MYO10: variants seen among roughly 807,000 people sequenced by gnomAD.
MYO10 encodes unconventional myosin-X.
A neutral mutation model predicts 257.3 loss-of-function variants in MYO10; 133 were observed. The observed-to-expected ratio is 0.52, with a 90% CI of 0.45 to 0.60. The LOEUF (loss-of-function observed/expected upper bound fraction) is 0.60. Among genes scored for constraint, MYO10 ranks in the 20% least tolerant of loss-of-function variants. The pLI is 0.00. For synonymous variants in MYO10, 1,104 were observed against 1,028.6 expected (o/e 1.07, Z -1.40); for missense variants, 2,399 against 2,635.7 (o/e 0.91, Z 1.97).
intron 1 of MYO10, among the ~76,000 whole-genome samples, chr5:16,901,857 C>T (rs1318557050): frequency 1.3e-5 from 2 of 152,184 alleles, no homozygotes; most frequent in African/African-American, 2.4e-5. Context: ...TTCCCTGGCA[C>T]GTTCTAGAGC....
At chr5:16,813,506 A>G (rs1371125921) in intron 3 of MYO10, among the ~76,000 whole-genome samples, 1 of 151,562 alleles carries the variant, frequency 6.6e-6, no homozygotes, top group African/African-American at 2.4e-5. Flanking sequence ...AACAGCGATC[A>G]TGTCACTGCA....
At chr5:16,873,608 C>A (rs1744508216) in intron 2 of MYO10, among the ~76,000 whole-genome samples, 1 of 152,250 alleles carries the variant, frequency 6.6e-6, no homozygotes, top group Non-Finnish European at 1.5e-5. Flanking sequence ...ATGAGGGCCC[C>A]ACCCCTGCAG....
Position 16,665,938 on chromosome 5 carries a change from G to A in MYO10, c.*754C>T, listed in dbSNP as rs1736144782. ...CAAAGACAGGAAAATCCAGGATTTG[G>A]GTTTGTTAATAAAACCACCTTATAA... On this transcript the variant is annotated 3_prime_UTR_variant, in exon 41 of 41. Coordinates refer to ENST00000513610, the MANE Select transcript of MYO10 (RefSeq NM_012334.3). The A allele has an allele frequency of 6.6e-6, 1 of 152,480 alleles. No homozygotes were observed. The highest frequency in any genetic ancestry group is 2.1e-4 in the South Asian group (1 of 4,818). The allele number at this position is 152,480 out of a possible 1,614,324, so 9.4% of individuals were successfully genotyped here.
intron 1 of MYO10, among the ~76,000 whole-genome samples, chr5:16,913,494 CCTT>C (rs1745730411): frequency 6.6e-6 from 1 of 152,208 alleles, no homozygotes; most frequent in South Asian, 2.1e-4. Flanking sequence ...CGCAGAATTT[CCTT>C]CTTCTCAAGT....
intron 19 of MYO10, among the ~76,000 whole-genome samples, chr5:16,729,530 CAAGTTCT>C (rs1441531107): frequency 2.6e-5 from 4 of 151,122 alleles, no homozygotes; most frequent in Non-Finnish European, 4.4e-5. Context: ...TGGCTCACTG[CAAGTTCT>C]GCCTCCCGGG....
chr5:16,823,385 T>TAGTG (rs1416379151), intron 2 of MYO10, among the ~76,000 whole-genome samples: 1 of 124,276 alleles, frequency 8.0e-6, no homozygotes, highest in African/African-American at 3.0e-5. Flanking sequence ...GCAGATGTTG[T>TAGTG]AGTGAGCCGA....
chr5:16,758,181 G>A lies in MYO10; in HGVS notation c.1785C>T (p.Asn595=), dbSNP rs983361645. 2 of 1,613,652 alleles carry A rather than the reference G, an allele frequency of 1.2e-6. No homozygotes were observed. Among genetic ancestry groups the A allele is most frequent in the African/African-American group, 1.3e-5 (1 of 74,918 alleles). The change falls in exon 18 of 41, where the codon AAC becomes AAT. Residue 595 remains asparagine (N), a synonymous_variant. Coordinates refer to ENST00000513610, the MANE Select transcript of MYO10 (RefSeq NM_012334.3). ...YDLFEHVSSR[N]NQDTLKCGSK... Reference sequence around the variant, plus strand: ...TTCCACATTTCAAGGTATCCTGGTTGTTGCGGCTTGAAACATGTTCAAAAA... The same window carrying A: ...TTCCACATTTCAAGGTATCCTGGTTATTGCGGCTTGAAACATGTTCAAAAA...
chr5:16,731,923 G>GA (rs2126617085), intron 19 of MYO10, among the ~76,000 whole-genome samples: 1 of 152,070 alleles, frequency 6.6e-6, no homozygotes, highest in East Asian at 1.9e-4. Flanking sequence ...GCTGCCATCA[G>GA]AAAAAAATGG....
intron 1 of MYO10, among the ~76,000 whole-genome samples, chr5:16,903,574 C>T (rs139045264): frequency 6.6e-6 from 1 of 152,150 alleles, no homozygotes; most frequent in Non-Finnish European, 1.5e-5. Context: ...AGCCACTTTC[C>T]TATTAATATT....
chr5:16,898,734 G>T (rs924037640), intron 1 of MYO10, among the ~76,000 whole-genome samples: 1 of 151,704 alleles, frequency 6.6e-6, no homozygotes, highest in African/African-American at 2.4e-5. Flanking sequence ...GATGTGTGTT[G>T]CATGTTCCCT....
chr5:16,732,338 A>G (rs1440710408), intron 19 of MYO10, among the ~76,000 whole-genome samples: 2 of 152,170 alleles, frequency 1.3e-5, no homozygotes, highest in African/African-American at 4.8e-5. Context: ...CCTTTGCACA[A>G]ATCCCATCTG....
At chr5:16,826,484 T>G (rs6862579) in intron 2 of MYO10, among the ~76,000 whole-genome samples, 3 of 152,062 alleles carry the variant, frequency 2.0e-5, no homozygotes, top group East Asian at 1.9e-4. Flanking sequence ...ACACAGAGCA[T>G]TCTATGAGGA....
intron 18 of MYO10, 33 bp from the exon 19 acceptor site, chr5:16,754,941 T>TTA: frequency 1.4e-6 from 2 of 1,395,912 alleles, no homozygotes; most frequent in East Asian, 2.4e-5. Context: ...ATTTAGTCTC[T>TTA]TATTATGTCA....
intron 1 of MYO10, among the ~76,000 whole-genome samples, chr5:16,911,824 G>GGTC (rs1365775902): frequency 7.2e-5 from 11 of 151,982 alleles, no homozygotes; most frequent in Non-Finnish European, 1.5e-4. Context: ...GATCACCTGA[G>GGTC]GTCAGGAGTT....
At chr5:16,702,801 G>T in intron 23 of MYO10, 124 bp downstream of exon 23, 1 of 985,778 alleles carries the variant, frequency 1.0e-6, no homozygotes, top group Non-Finnish European at 1.5e-6. Flanking sequence ...TAGCCACCTA[G>T]AGTTACTGTT....
At chr5:16,793,801 C>T (rs527517640) in intron 4 of MYO10, among the ~76,000 whole-genome samples, 2 of 151,908 alleles carry the variant, frequency 1.3e-5, no homozygotes, top group South Asian at 4.2e-4. Flanking sequence ...GGTGGCGACG[C>T]ATGCCTGTAA....
chr5:16,763,482 T>A lies in MYO10; in HGVS notation c.1493A>T (p.Lys498Met), dbSNP rs750549089. The change falls in exon 14 of 41, where the codon AAG (lysine) becomes ATG (methionine). Residue 498 changes from lysine to methionine, a missense_variant and splice_region_variant. Physicochemically the swap from Lys to Met is moderately conservative, Grantham distance 95. Transcript: ENST00000513610. ...AACCATTCTTCAAAAATACATTACC[T>A]TCTCAATCAAGTCCAGGCATTCTCC... ...DNGECLDLIE[K>M]KLGLLALINE... 1.2e-6 allele frequency: 2 copies of A among 1,608,460 alleles called. No individual in the cohort carries two copies. Among genetic ancestry groups the A allele is most frequent in the African/African-American group, 2.7e-5 (2 of 74,820 alleles).
Position 16,689,910 on chromosome 5 carries a change from T to C in MYO10, c.3810A>G (p.Ile1270Met). Residue 1270 changes from isoleucine (I) to methionine (M), a missense_variant, in exon 28 of 41, where the codon ATA becomes ATG. By Grantham distance (10) the Ile-to-Met change is conservative (BLOSUM62 1). Around this residue, in one of 3 missense-constraint regions of MYO10, gnomAD observed 1,820 missense variants for 1,939.4 expected, o/e 0.94. Transcript: ENST00000513610. ...TCCCATTCTCCTTGGTGGTGTTATCTATGATCTCTCTGCAAAGAAGCAAAA... is the reference window on the plus strand; with the variant it reads ...TCCCATTCTCCTTGGTGGTGTTATCCATGATCTCTCTGCAAAGAAGCAAAA... The part of the protein sequence containing the change: ...TVEVRTAKEI[I>M]DNTTKENGID... 1.2e-6 allele frequency: 2 copies of C among 1,612,658 alleles called. No homozygotes were observed. The highest frequency in any genetic ancestry group is 1.7e-6 in the Non-Finnish European group (2 of 1,178,776).
chr5:16,878,470 C>T (rs1277593983), intron 1 of MYO10, among the ~76,000 whole-genome samples: 1 of 152,188 alleles, frequency 6.6e-6, no homozygotes, highest in East Asian at 1.9e-4. Context: ...GCATTGATCT[C>T]ATTTCCACTT....
Sources: gnomAD v4.1 joint callset for allele counts (sites outside exome capture counted in the v4.1 genomes callset) on GRCh38, gnomAD v4.1.1 for gene constraint, gnomAD v4.1.1 regional missense constraint, MANE v1.5 for transcripts, NCBI Gene and HGNC (gene_info 2026-07-23, HGNC 2026-07-21) for gene names.